Variants in ANXA10 observed in about 807,000 individuals in gnomAD.
ANXA10 encodes annexin 14.
ANXA10 carries 49 observed loss-of-function variants against 53.5 expected under a neutral mutation model. The ratio of observed to expected loss-of-function variants is 0.92; its 90% CI spans 0.73 to 1.16. The LOEUF (loss-of-function observed/expected upper bound fraction) is 1.16. ANXA10 is among the 50% of genes most tolerant of loss of function. ANXA10 has a pLI of 0.00. For synonymous variants in ANXA10, 131 were observed against 128.9 expected (o/e 1.02, Z -0.11); for missense variants, 393 against 394.4 (o/e 1.00, Z 0.03).
At chr4:168,153,427 A>AAAC in intron 3 of ANXA10, among the ~76,000 whole-genome samples, 1 of 59,944 alleles carries the variant, frequency 1.7e-5, no homozygotes, top group Non-Finnish European at 3.7e-5. Context: ...TAAAGCAAAA[A>AAAC]AAAAAAAAAA....
intron 1 of ANXA10, among the ~76,000 whole-genome samples, chr4:168,119,014 T>C (rs1730943935): frequency 6.6e-6 from 1 of 152,184 alleles, no homozygotes; most frequent in Non-Finnish European, 1.5e-5. Context: ...TGAAAATATT[T>C]CATATCTATG....
intron 1 of ANXA10, among the ~76,000 whole-genome samples, chr4:168,124,780 T>C (rs1731042510): frequency 6.6e-6 from 1 of 152,140 alleles, no homozygotes; most frequent in African/African-American, 2.4e-5. Context: ...AAAACAAATA[T>C]TGAGAAGCAT....
At chr4:168,097,566 A>G (rs1030204200) in intron 1 of ANXA10, among the ~76,000 whole-genome samples, 6 of 152,054 alleles carry the variant, frequency 3.9e-5, no homozygotes, top group African/African-American at 1.4e-4. Context: ...GTAGAAACTC[A>G]TCCTCTTATT....
At chr4:168,145,433 A>G (rs981350288) in intron 3 of ANXA10, among the ~76,000 whole-genome samples, 1 of 152,194 alleles carries the variant, frequency 6.6e-6, no homozygotes, top group African/African-American at 2.4e-5. Flanking sequence ...TCTTTGTTTC[A>G]AAGTTAAATT....
chr4:168,162,688 A>G, intron 4 of ANXA10, 47 bp downstream of exon 4: 1 of 1,481,676 alleles, frequency 6.7e-7, no homozygotes, highest in South Asian at 1.1e-5. Context: ...ACAGGCCAGT[A>G]TTTCAGTAGA....
At chr4:168,168,709 G>A (rs946151612) in intron 6 of ANXA10, among the ~76,000 whole-genome samples, 5 of 152,136 alleles carry the variant, frequency 3.3e-5, no homozygotes, top group Non-Finnish European at 2.9e-5. Context: ...GTGAGCCACC[G>A]CGCCTGGCCA....
At chr4:168,163,926 CAT>C (rs1731828992) in intron 4 of ANXA10, among the ~76,000 whole-genome samples, 1 of 152,144 alleles carries the variant, frequency 6.6e-6, no homozygotes, top group South Asian at 2.1e-4. Flanking sequence ...ATTGCTTGAA[CAT>C]GTCTTTCTCC....
At chr4:168,123,349 G>C (rs1319610930) in intron 1 of ANXA10, among the ~76,000 whole-genome samples, 1 of 152,074 alleles carries the variant, frequency 6.6e-6, no homozygotes, top group Non-Finnish European at 1.5e-5. Context: ...GTATTGAATA[G>C]AACTGAGCTC....
intron 10 of ANXA10, 110 bp from the exon 11 acceptor site, chr4:168,184,449 G>T: frequency 7.6e-7 from 1 of 1,310,278 alleles, no homozygotes; most frequent in Middle Eastern, 1.9e-4. Flanking sequence ...AGTGTTGGAA[G>T]AACTCAGGAA....
intron 6 of ANXA10, 56 bp from the exon 7 acceptor site, chr4:168,177,684 C>A: frequency 6.5e-7 from 1 of 1,546,524 alleles, no homozygotes; most frequent in Non-Finnish European, 8.9e-7. Flanking sequence ...CTCACTAATC[C>A]AATATGAGTT....
intron 3 of ANXA10, among the ~76,000 whole-genome samples, chr4:168,146,299 A>G (rs1731405769): frequency 6.6e-6 from 1 of 152,214 alleles, no homozygotes. Flanking sequence ...TTCATGGGCC[A>G]CAGTGATGTG....
At chr4:168,172,839 G>A (rs1732041434) in intron 6 of ANXA10, among the ~76,000 whole-genome samples, 1 of 149,062 alleles carries the variant, frequency 6.7e-6, no homozygotes, top group Admixed American at 6.7e-5. Context: ...ACCCAGGCTG[G>A]AGTGCAATGG....
chr4:168,173,466 T>C (rs916067571), intron 6 of ANXA10, among the ~76,000 whole-genome samples: 4 of 152,188 alleles, frequency 2.6e-5, no homozygotes, highest in Non-Finnish European at 4.4e-5. Context: ...CTTTAAAATA[T>C]TCACAATAGC....
intron 3 of ANXA10, among the ~76,000 whole-genome samples, chr4:168,158,917 G>A (rs1266027818): frequency 2.6e-5 from 4 of 152,134 alleles, no homozygotes; most frequent in Non-Finnish European, 5.9e-5. Context: ...CTTTCCATGA[G>A]TAATATGTTC....
At chr4:168,122,541 G>A (rs1321640758) in intron 1 of ANXA10, among the ~76,000 whole-genome samples, 1 of 152,126 alleles carries the variant, frequency 6.6e-6, no homozygotes, top group South Asian at 2.1e-4. Flanking sequence ...CTGAGACTGA[G>A]TAATTTATAA....
Position 168,180,090 on chromosome 4 carries a change from G to A in ANXA10, c.724+778G>A, listed in dbSNP as rs57450650. On this transcript the variant is annotated intron_variant, in intron 9 of 11. Transcript: ENST00000359299. ...TTGAATGGCAGAGGCATACACGGGC[G>A]TGAGAGCTGACAGATAAAGGAATTT... 2.9e-3 allele frequency among the ~76,000 whole-genome samples: 448 copies of A among 152,196 alleles called. 2 individuals are homozygous for A. The highest frequency in any genetic ancestry group is 9.5e-3 in the African/African-American group (394 of 41,514).
intron 3 of ANXA10, among the ~76,000 whole-genome samples, chr4:168,159,226 G>A (rs534358510): frequency 5.3e-5 from 8 of 152,172 alleles, no homozygotes; most frequent in Admixed American, 2.0e-4. Context: ...AACCAACCTT[G>A]CATTCCTGGG....
At chr4:168,134,591 C>T (rs145656328) in intron 2 of ANXA10, among the ~76,000 whole-genome samples, 1 of 152,104 alleles carries the variant, frequency 6.6e-6, no homozygotes, top group Non-Finnish European at 1.5e-5. Context: ...TTTAGAATGT[C>T]CATCATGCCA....
chr4:168,122,686 C>T (rs1044217012), intron 1 of ANXA10, among the ~76,000 whole-genome samples: 3 of 152,096 alleles, frequency 2.0e-5, no homozygotes, highest in Non-Finnish European at 2.9e-5. Flanking sequence ...CGTCACATGG[C>T]GAAAACAGGA....
Sources: gnomAD v4.1 joint callset for allele counts (sites outside exome capture counted in the v4.1 genomes callset) on GRCh38, gnomAD v4.1.1 for gene constraint, MANE v1.5 for transcripts, NCBI Gene and HGNC (gene_info 2026-07-23, HGNC 2026-07-21) for gene names.